The following FHIP1B variants were observed in gnomAD, a reference collection of about 807,000 sequenced individuals.
FHIP1B encodes FHF complex subunit HOOK-interacting protein 1B.
FHIP1B carries 28 observed loss-of-function variants against 82.2 expected under a neutral mutation model. That is an observed-to-expected ratio of 0.34 (90% confidence interval 0.25 to 0.47). The LOEUF is 0.47. FHIP1B is among the 20% of genes least tolerant of loss of function. The pLI, the probability that FHIP1B is intolerant of heterozygous loss-of-function variation, is 1.00. For missense variants in FHIP1B, 1,110 were observed against 1,262.6 expected, an observed-to-expected ratio of 0.88 and a Z score of 1.83; for synonymous variants, 585 against 516.1, an observed-to-expected ratio of 1.13 and a Z score of -1.81.
At chr11:6,224,301 AT>A in intron 2 of FHIP1B, 53 bp from the exon 3 acceptor site, 1 of 1,614,000 alleles carries the variant, frequency 6.2e-7, no homozygotes, top group Non-Finnish European at 8.5e-7. Flanking sequence ...AGGTTACTAA[AT>A]GGGATGAGGA....
At chr11:6,220,000 C>G (rs1847361681) in intron 6 of FHIP1B, among the ~76,000 whole-genome samples, 1 of 152,170 alleles carries the variant, frequency 6.6e-6, no homozygotes, top group South Asian at 2.1e-4. Flanking sequence ...TGAAAAAATT[C>G]AGACTCACTG....
At chr11:6,218,493 T>C (rs902930696) in intron 8 of FHIP1B, 107 bp downstream of exon 8, 8 of 1,514,898 alleles carry the variant, frequency 5.3e-6, no homozygotes, top group South Asian at 1.2e-5. Flanking sequence ...CTATCATTCA[T>C]GGACACCTTC....
intron 6 of FHIP1B, among the ~76,000 whole-genome samples, chr11:6,219,898 C>T (rs1280979338): frequency 6.6e-6 from 1 of 152,150 alleles, no homozygotes; most frequent in Non-Finnish European, 1.5e-5. Context: ...TAAAAGTCAA[C>T]CACACAGCAA....
chr11:6,224,673 G>T lies in FHIP1B; in HGVS notation c.-157C>A. The T allele has an allele frequency of 2.9e-6, 2 of 698,536 alleles. No individual in the cohort carries two copies. The highest frequency in any genetic ancestry group is 1.8e-5 in the African/African-American group (1 of 55,638). 43.3% of individuals were successfully genotyped at this position (698,536 alleles called of 1,614,324 possible). A position where few individuals can be genotyped will look rare whatever the true frequency, so the allele number is the denominator to read the frequency against. ...AGGTTATACCAGGCTGGAATGGCAA[G>T]CCCAGAGGTCACTGGCCAGTCCAGA... On this transcript the variant is annotated 5_prime_UTR_variant, in exon 2 of 12. Coordinates refer to ENST00000449352, the MANE Select transcript of FHIP1B (RefSeq NM_001098794.2).
chr11:6,215,137 G>C (rs896524524), intron 9 of FHIP1B: 7 of 410,254 alleles, frequency 1.7e-5, no homozygotes, highest in African/African-American at 6.2e-5. Context: ...CATTCAAGCT[G>C]ACAAGCCAGA....
chr11:6,224,046 A>G lies in FHIP1B; in HGVS notation c.341T>C (p.Leu114Pro), dbSNP rs1284501861. The G allele has an allele frequency of 1.9e-6, 3 of 1,613,568 alleles. No individual in the cohort carries two copies. The highest frequency in any genetic ancestry group is 1.7e-6 in the Non-Finnish European group (2 of 1,179,676). The part of the protein sequence containing the change: ...DLLTRVLTWQ[L>P]QWDELGDGVE... The stretch of plus-strand genomic sequence containing the variant: ...CCCATCCCCAAGCTCATCCCATTGC[A>G]GCTGCCATGTCAACACACGGGTCAG... Residue 114 changes from leucine (L) to proline (P), a missense_variant, in exon 3 of 12, where the codon CTG (leucine) becomes CCG (proline). Around this residue, in one of 6 missense-constraint regions of FHIP1B, gnomAD observed 467 missense variants for 602.9 expected, o/e 0.77. Coordinates refer to ENST00000449352, the MANE Select transcript of FHIP1B (RefSeq NM_001098794.2).
chr11:6,217,718 G>GGCCCC lies in FHIP1B; in HGVS notation c.1867_1868insGGGGC (p.Ala623GlyfsTer41). 1.2e-6 allele frequency: 2 copies of GGCCCC among 1,605,766 alleles called. No individual in the cohort carries two copies. Among genetic ancestry groups the GGCCCC allele is most frequent in the Non-Finnish European group, 1.7e-6 (2 of 1,175,482 alleles). On this transcript the variant is annotated frameshift_variant, in exon 9 of 12. Transcript: ENST00000449352. LOFTEE classifies it high-confidence loss of function. ...GGGCAGGTGACCAGGGCCCTCCCCT[G>GGCCCC]CACCCCCAGCCCGCCCCCTCCTCCC...
In FHIP1B at chr11:6,225,317, C is replaced by T. The variant is rs576140138; in HGVS notation, c.-191-610G>A. On this transcript the variant is annotated intron_variant, in intron 1 of 11. Transcript: ENST00000449352. ...ATACTTTTTGTTCCCTCTGCCTAGA[C>T]TAGAATGTCCTTCTCCTGCTTTTCA... Among the ~76,000 whole-genome samples, 23 of 152,340 alleles carry T rather than the reference C, an allele frequency of 1.5e-4. No homozygotes were observed. The East Asian group carries it at 4.4e-3, about 29-fold the overall frequency.
At chr11:6,214,705 C>G in intron 10 of FHIP1B, 28 bp downstream of exon 10, 2 of 1,550,930 alleles carry the variant, frequency 1.3e-6, no homozygotes, top group Non-Finnish European at 8.7e-7. Flanking sequence ...GGAGCCTGGA[C>G]GCACCCATGC....
At chr11:6,227,046 C>A (rs576480301) in intron 1 of FHIP1B, among the ~76,000 whole-genome samples, 10 of 152,314 alleles carry the variant, frequency 6.6e-5, no homozygotes, top group Admixed American at 3.9e-4. Flanking sequence ...ACCTGTAATA[C>A]CTCTGCCAAT....
intron 1 of FHIP1B, among the ~76,000 whole-genome samples, chr11:6,228,831 G>GA (rs11428381): frequency 0.68 from 102,957 of 152,078 alleles, 37,420 homozygotes; most frequent in East Asian, 0.95. Context: ...GGATGCACTG[G>GA]ACAAGTACTT....
intron 1 of FHIP1B, among the ~76,000 whole-genome samples, chr11:6,227,201 C>T (rs1847586289): frequency 6.6e-6 from 1 of 152,180 alleles, no homozygotes; most frequent in South Asian, 2.1e-4. Context: ...TTACTACATG[C>T]CAGGCTCCAT....
At chr11:6,225,038 A>G (rs549838010) in intron 1 of FHIP1B, among the ~76,000 whole-genome samples, 1 of 152,326 alleles carries the variant, frequency 6.6e-6, no homozygotes, top group South Asian at 2.1e-4. Flanking sequence ...ATGTCTCACT[A>G]TTGCAGTAGC....
Position 6,224,003 on chromosome 11 carries a change from A to T in FHIP1B, c.384T>A (p.Ala128=). Residue 128 remains alanine (A), a synonymous_variant, in exon 3 of 12, where the codon GCT becomes GCA. Coordinates refer to ENST00000449352, the MANE Select transcript of FHIP1B (RefSeq NM_001098794.2). The part of the protein sequence containing the change: ...ELGDGVEERR[A]EQLKLFEMLV... ...GCATTTCAAATAGTTTCAGTTGCTC[A>T]GCCCGCCGTTCCTCGACCCCATCCC... The T allele has an allele frequency of 6.2e-7, 1 of 1,613,264 alleles. No homozygotes were observed. Among genetic ancestry groups the T allele is most frequent in the Non-Finnish European group, 8.5e-7 (1 of 1,179,550 alleles).
At chr11:6,225,900 G>T (rs1159596956) in intron 1 of FHIP1B, among the ~76,000 whole-genome samples, 1 of 152,124 alleles carries the variant, frequency 6.6e-6, no homozygotes, top group Non-Finnish European at 1.5e-5. Context: ...ACTCCTGCCA[G>T]ACACAACCCA....
chr11:6,234,219 A>ACT (rs1190229461), intron 1 of FHIP1B, among the ~76,000 whole-genome samples: 1 of 147,288 alleles, frequency 6.8e-6, no homozygotes, highest in Non-Finnish European at 1.5e-5. Context: ...TGCGCCTTTT[A>ACT]CTCTCTCTCT....
At chr11:6,214,984 A>G in intron 9 of FHIP1B, 73 bp from the exon 10 acceptor site, 2 of 1,362,652 alleles carry the variant, frequency 1.5e-6, no homozygotes, top group Non-Finnish European at 1.9e-6. Context: ...TTCCTCCCCA[A>G]AACAAGAGAC....
intron 11 of FHIP1B, among the ~76,000 whole-genome samples, chr11:6,213,039 T>C (rs577226509): frequency 6.6e-6 from 1 of 152,246 alleles, no homozygotes; most frequent in Non-Finnish European, 1.5e-5. Context: ...TTCTACCTCA[T>C]ACACTAACCT....
Position 6,223,949 on chromosome 11 carries a change from C to T in FHIP1B, c.438G>A (p.Leu146=). 6.2e-7 allele frequency: 1 copy of T among 1,614,194 alleles called. No homozygotes were observed. The highest frequency in any genetic ancestry group is 8.5e-7 in the Non-Finnish European group (1 of 1,180,036). ...GAGCCTCACGAACTGGACCATGCCG[C>T]AACAGTGGCTGGCGAGCTTCGCTCA... ...MLVSEARQPL[L]RHGPVREALL... Residue 146 remains leucine, a synonymous_variant, in exon 3 of 12, where the codon TTG becomes TTA. Coordinates refer to ENST00000449352, the MANE Select transcript of FHIP1B (RefSeq NM_001098794.2). This position sits in a 1 kb window ranked among gnomAD's most constrained non-coding sequence, Gnocchi z 4.8.
Sources: gnomAD v4.1 joint callset for allele counts (sites outside exome capture counted in the v4.1 genomes callset) on GRCh38, gnomAD v4.1.1 for gene constraint, gnomAD v4.1.1 regional missense constraint, Gnocchi (gnomAD v3.1) non-coding constraint, MANE v1.5 for transcripts, NCBI Gene and HGNC (gene_info 2026-07-23, HGNC 2026-07-21) for gene names.